Variants in SEMA3E observed in about 807,000 individuals in gnomAD.
SEMA3E encodes semaphorin 3E, also known as semaphorin-3E.
In SEMA3E, 49 loss-of-function variants were observed where a neutral mutation model predicts 93.6. The observed-to-expected ratio is 0.52, with a 90% CI of 0.42 to 0.66. The LOEUF (loss-of-function observed/expected upper bound fraction) is 0.66. Ranked by LOEUF, SEMA3E falls within the 30% of genes least tolerant of loss-of-function variation. The pLI is 0.00. For missense variants in SEMA3E, 906 were observed against 964.8 expected, an observed-to-expected ratio of 0.94 and a Z score of 0.81; for synonymous variants, 363 against 330.7, an observed-to-expected ratio of 1.10 and a Z score of -1.06.
chr7:83,383,452 C>A (rs1019148201), intron 16 of SEMA3E, among the ~76,000 whole-genome samples: 1 of 151,772 alleles, frequency 6.6e-6, no homozygotes, highest in East Asian at 1.9e-4. Flanking sequence ...GTATATTCAG[C>A]CTTTAATAAA....
chr7:83,615,959 A>G (rs1242145236), intron 1 of SEMA3E, among the ~76,000 whole-genome samples: 1 of 151,088 alleles, frequency 6.6e-6, no homozygotes, highest in Non-Finnish European at 1.5e-5. Context: ...ATCCTGCTTA[A>G]AGTAAGAAAA....
rs553182357 is a variant in SEMA3E at position 83,540,475 on chromosome 7, C to T, written c.116-50201G>A. Among the ~76,000 whole-genome samples the T allele has an allele frequency of 3.0e-4, 45 of 152,200 alleles. 1 individual carries two copies. In the South Asian group the frequency reaches 6.4e-3, roughly 22 times the overall value. ...GCTTTGATAATATTTTTCCCTTAGA[C>T]TCAGCCATATATTATGTCCCTAGAA... On this transcript the variant is annotated intron_variant, in intron 1 of 16. Transcript: ENST00000643230.
At chr7:83,377,527 G>A (rs565005889) in intron 16 of SEMA3E, among the ~76,000 whole-genome samples, 1 of 152,024 alleles carries the variant, frequency 6.6e-6, no homozygotes, top group East Asian at 1.9e-4. Context: ...ATTTACGATA[G>A]GCAGAGGGCC....
intron 1 of SEMA3E, among the ~76,000 whole-genome samples, chr7:83,514,123 A>G (rs1790881092): frequency 1.3e-5 from 2 of 152,154 alleles, no homozygotes; most frequent in South Asian, 2.1e-4. Flanking sequence ...GCACCATGAC[A>G]GTTTACTAAT....
At chr7:83,613,680 AAAAT>A (rs1432684564) in intron 1 of SEMA3E, among the ~76,000 whole-genome samples, 12 of 152,136 alleles carry the variant, frequency 7.9e-5, no homozygotes, top group Admixed American at 1.3e-4. Context: ...TCAAGATAGT[AAAAT>A]TAATTTAAAA....
At chr7:83,477,289 A>T (rs977019479) in intron 2 of SEMA3E, among the ~76,000 whole-genome samples, 1 of 152,098 alleles carries the variant, frequency 6.6e-6, no homozygotes, top group African/African-American at 2.4e-5. Flanking sequence ...TATTTCTATT[A>T]TTCTAATGAA....
intron 5 of SEMA3E, among the ~76,000 whole-genome samples, chr7:83,416,347 G>A (rs1247437155): frequency 1.3e-5 from 2 of 151,974 alleles, no homozygotes; most frequent in East Asian, 1.9e-4. Context: ...ATTTGATTTG[G>A]AGGTTCAATG....
chr7:83,503,288 T>C (rs183749775), intron 1 of SEMA3E, among the ~76,000 whole-genome samples: 91 of 152,232 alleles, frequency 6.0e-4, no homozygotes, highest in Middle Eastern at 3.4e-3. Flanking sequence ...TCCATTCCCA[T>C]CTCAGATTGC....
chr7:83,539,867 G>GTGTGCA (rs1459322738), intron 1 of SEMA3E, among the ~76,000 whole-genome samples: 1 of 94,948 alleles, frequency 1.1e-5, no homozygotes, highest in African/African-American at 3.5e-5. Flanking sequence ...GTGTGTGTGT[G>GTGTGCA]TGTGTGTGTG....
chr7:83,465,409 A>G (rs528518522), intron 4 of SEMA3E, among the ~76,000 whole-genome samples: 4 of 152,062 alleles, frequency 2.6e-5, no homozygotes, highest in Non-Finnish European at 4.4e-5. Context: ...CTCCCTATAT[A>G]GATAGTTAAC....
chr7:83,502,178 C>A (rs527309855), intron 1 of SEMA3E, among the ~76,000 whole-genome samples: 1 of 152,306 alleles, frequency 6.6e-6, no homozygotes, highest in Admixed American at 6.5e-5. Flanking sequence ...TTAGCATCTC[C>A]TCTACCACCT....
At chr7:83,490,420 A>G in intron 1 of SEMA3E, 146 bp from the exon 2 acceptor site, 1 of 758,514 alleles carries the variant, frequency 1.3e-6, no homozygotes, top group Non-Finnish European at 2.2e-6. Context: ...AAGAATTTTA[A>G]TGTGCACAAG....
intron 5 of SEMA3E, among the ~76,000 whole-genome samples, chr7:83,416,346 G>A (rs1788538226): frequency 6.6e-6 from 1 of 151,972 alleles, no homozygotes; most frequent in Non-Finnish European, 1.5e-5. Flanking sequence ...AATTTGATTT[G>A]GAGGTTCAAT....
At chr7:83,478,365 T>C (rs1229574309) in intron 2 of SEMA3E, among the ~76,000 whole-genome samples, 5 of 152,138 alleles carry the variant, frequency 3.3e-5, no homozygotes, top group African/African-American at 1.2e-4. Context: ...CCCCAAAATA[T>C]GGCTTAAATA....
rs568474127 is a variant in SEMA3E at position 83,394,763 on chromosome 7, C to A, written c.1459-425G>T. 2.6e-5 allele frequency among the ~76,000 whole-genome samples: 4 copies of A among 152,160 alleles called. No individual in the cohort carries two copies. In the South Asian group the frequency reaches 8.3e-4, roughly 32 times the overall value. On this transcript the variant is annotated intron_variant, in intron 12 of 16. Coordinates refer to ENST00000643230, the MANE Select transcript of SEMA3E (RefSeq NM_012431.3). Reference sequence around the variant, plus strand: ...ACCAGGTGATTTTAATCATTTGAACCCAAACCTAAACAAAATATTTTTCTG... The same window carrying A: ...ACCAGGTGATTTTAATCATTTGAACACAAACCTAAACAAAATATTTTTCTG...
intron 4 of SEMA3E, among the ~76,000 whole-genome samples, chr7:83,444,389 G>A (rs565166285): frequency 7.8e-4 from 119 of 152,244 alleles, no homozygotes; most frequent in African/African-American, 2.8e-3. Context: ...TTGTCAACCT[G>A]AATGTGTAGA....
At chr7:83,378,525 C>G (rs943512172) in intron 16 of SEMA3E, among the ~76,000 whole-genome samples, 1 of 151,898 alleles carries the variant, frequency 6.6e-6, no homozygotes, top group Admixed American at 6.6e-5. Flanking sequence ...GTAGAGTACA[C>G]TAAACTAGCA....
Position 83,384,866 on chromosome 7 carries a change from T to G in SEMA3E, c.1875+428A>C, listed in dbSNP as rs532865731. Among the ~76,000 whole-genome samples the G allele has an allele frequency of 2.6e-5, 4 of 152,184 alleles. No individual in the cohort carries two copies. The South Asian group carries it at 6.2e-4, about 24-fold the overall frequency. On this transcript the variant is annotated intron_variant, in intron 16 of 16. Coordinates refer to ENST00000643230, the MANE Select transcript of SEMA3E (RefSeq NM_012431.3). Reference sequence around the variant, plus strand: ...GCTTAATGTTGTAGCTGTGTTGTTATTTTAATTCTGTTATTATTCATATGT... The same window carrying G: ...GCTTAATGTTGTAGCTGTGTTGTTAGTTTAATTCTGTTATTATTCATATGT...
At chr7:83,504,119 A>C (rs956266198) in intron 1 of SEMA3E, among the ~76,000 whole-genome samples, 13 of 152,190 alleles carry the variant, frequency 8.5e-5, no homozygotes, top group Admixed American at 6.5e-4. Context: ...GCACCTTTAA[A>C]AATCTGTAGT....
Sources: gnomAD v4.1 joint callset for allele counts (sites outside exome capture counted in the v4.1 genomes callset) on GRCh38, gnomAD v4.1.1 for gene constraint, MANE v1.5 for transcripts, NCBI Gene and HGNC (gene_info 2026-07-23, HGNC 2026-07-21) for gene names.